Variants in OPTN observed in about 807,000 individuals in gnomAD.
OPTN encodes E3-14.7K-interacting protein.
Under a neutral mutation model 70.4 loss-of-function variants are expected in OPTN, and 54 were observed. The ratio of observed to expected loss-of-function variants is 0.77; its 90% CI spans 0.62 to 0.96. OPTN has a LOEUF of 0.96. OPTN is among the 40% of genes least tolerant of loss of function. The pLI, the probability that OPTN is intolerant of heterozygous loss-of-function variation, is 0.00. For synonymous variants in OPTN, 256 were observed against 248.5 expected, an observed-to-expected ratio of 1.03 and a Z score of -0.28; for missense variants, 624 against 673.2, an observed-to-expected ratio of 0.93 and a Z score of 0.81.
intron 1 of OPTN, among the ~76,000 whole-genome samples, chr10:13,103,650 A>G (rs1456904947): frequency 6.6e-6 from 1 of 152,208 alleles, no homozygotes; most frequent in Non-Finnish European, 1.5e-5. Context: ...TCTAAGGCCA[A>G]CTCAGCAATC....
At chr10:13,112,309 A>G (rs903534328) in intron 4 of OPTN, 144 bp from the exon 5 acceptor site, 18 of 743,734 alleles carry the variant, frequency 2.4e-5, no homozygotes, top group Non-Finnish European at 3.3e-5. Flanking sequence ...GGGTCTTGCT[A>G]TGTTGCCCAG....
Position 13,117,141 on chromosome 10 carries a change from C to T in OPTN, c.626+801C>T, listed in dbSNP as rs370150545. On this transcript the variant is annotated intron_variant, in intron 6 of 14. Coordinates refer to ENST00000378747, the MANE Select transcript of OPTN (RefSeq NM_001008212.2). Reference sequence around the variant, plus strand: ...TGTTGCCCAGGCTGGAGTGCAGTGGCGTGATCTCGGCTCACTGCAAGCTCC... The same window carrying T: ...TGTTGCCCAGGCTGGAGTGCAGTGGTGTGATCTCGGCTCACTGCAAGCTCC... Among the ~76,000 whole-genome samples the T allele has an allele frequency of 5.4e-4, 71 of 131,924 alleles. No homozygotes were observed. In the East Asian group the frequency reaches 6.9e-3, roughly 13 times the overall value. 86.5% of individuals were successfully genotyped at this position (131,924 alleles called of 152,430 possible).
intron 5 of OPTN, among the ~76,000 whole-genome samples, chr10:13,113,064 C>G (rs1833044011): frequency 6.6e-6 from 1 of 152,122 alleles, no homozygotes; most frequent in Admixed American, 6.6e-5. Context: ...CTCTGTCTTC[C>G]CGGCTGGAAT....
At chr10:13,127,695 C>A (rs763519212) in intron 11 of OPTN, 50 bp from the exon 12 acceptor site, 2 of 1,583,538 alleles carry the variant, frequency 1.3e-6, no homozygotes, top group South Asian at 2.2e-5. Context: ...TTTACTAAAA[C>A]AGGCAGAATT....
At chr10:13,116,670 C>T (rs1833216176) in intron 6 of OPTN, 1 of 386,004 alleles carries the variant, frequency 2.6e-6, no homozygotes, top group Non-Finnish European at 4.9e-6. Flanking sequence ...TCATTGGTTC[C>T]CCGGTGCCAT....
intron 1 of OPTN, among the ~76,000 whole-genome samples, chr10:13,106,624 T>C (rs1832870607): frequency 6.6e-6 from 1 of 152,250 alleles, no homozygotes; most frequent in Admixed American, 6.5e-5. Flanking sequence ...TAGGTAGCTC[T>C]GTCTCTGATT....
intron 4 of OPTN, among the ~76,000 whole-genome samples, chr10:13,111,509 C>T (rs1242867033): frequency 1.3e-5 from 2 of 149,666 alleles, no homozygotes; most frequent in South Asian, 2.1e-4. Context: ...ACCAGCCTGG[C>T]CAACATGGCG....
chr10:13,128,230 G>C (rs1588449851), intron 12 of OPTN, among the ~76,000 whole-genome samples: 1 of 152,166 alleles, frequency 6.6e-6, no homozygotes, highest in East Asian at 1.9e-4. Flanking sequence ...CTGGATCATA[G>C]GCTCTGCATG....
chr10:13,122,589 A>G (rs1353827951), intron 8 of OPTN, 102 bp downstream of exon 8: 2 of 803,194 alleles, frequency 2.5e-6, no homozygotes, highest in Middle Eastern at 2.2e-4. Flanking sequence ...TTAGAAATAT[A>G]GAAATCATGT....
intron 12 of OPTN, 76 bp from the exon 13 acceptor site, chr10:13,131,991 C>T: frequency 6.9e-7 from 1 of 1,454,664 alleles, no homozygotes; most frequent in Admixed American, 1.7e-5. Context: ...ACAGCACTAC[C>T]TCCTCATCGC....
At chr10:13,117,044 C>G (rs1833224989) in intron 6 of OPTN, among the ~76,000 whole-genome samples, 1 of 150,848 alleles carries the variant, frequency 6.6e-6, no homozygotes, top group South Asian at 2.1e-4. Context: ...ATCATCTATT[C>G]AAGAGACGAT....
At position 13,127,907 on chromosome 10, in the gene OPTN, A is replaced by C. The variant is rs371470839; in HGVS notation, c.1401+4A>C. On this transcript the variant is annotated splice_donor_region_variant and intron_variant, in intron 12 of 14. Coordinates refer to ENST00000378747, the MANE Select transcript of OPTN (RefSeq NM_001008212.2). ...CATGACCATCCTCAGGGCTCAGGTG[A>C]GGCACCTTCCAAAACCCCAGCTGAG... 5 of 1,614,150 alleles carry C rather than the reference A, an allele frequency of 3.1e-6. No homozygotes were observed. The highest frequency in any genetic ancestry group is 4.2e-6 in the Non-Finnish European group (5 of 1,180,022).
In OPTN at chr10:13,125,982, G is replaced by A. The variant is rs1833450367; in HGVS notation, c.1185G>A (p.Lys395=). ...KLTVLQMTHN[K]LLQEHNNALK... is the part of the protein sequence containing the mutation. ...CTGTGCTACAGATGACACACAACAA[G>A]CTTCTTCAAGAACATAATAATGCAT... The change falls in exon 11 of 15, where the codon AAG becomes AAA. Residue 395 remains lysine (K), a synonymous_variant. Coordinates refer to ENST00000378747, the MANE Select transcript of OPTN (RefSeq NM_001008212.2). 1 of 1,612,754 alleles carries A rather than the reference G, an allele frequency of 6.2e-7. No homozygotes were observed. Among genetic ancestry groups the A allele is most frequent in the Non-Finnish European group, 8.5e-7 (1 of 1,178,914 alleles).
At chr10:13,105,331 G>A (rs1013111425) in intron 1 of OPTN, among the ~76,000 whole-genome samples, 1 of 152,108 alleles carries the variant, frequency 6.6e-6, no homozygotes, top group South Asian at 2.1e-4. Context: ...TTTAGATTGT[G>A]GTCTTTCTAG....
At chr10:13,112,003 A>G (rs1833015650) in intron 4 of OPTN, among the ~76,000 whole-genome samples, 1 of 151,254 alleles carries the variant, frequency 6.6e-6, no homozygotes, top group Non-Finnish European at 1.5e-5. Context: ...GCCCGCCACC[A>G]CGCCCAGCTA....
In OPTN at chr10:13,137,016, A is replaced by G. The variant is rs1250718260; in HGVS notation, c.*150A>G. 1.1e-5 allele frequency: 11 copies of G among 984,968 alleles called. No homozygotes were observed. Among genetic ancestry groups the G allele is most frequent in the African/African-American group, 6.4e-5 (4 of 62,580 alleles). The allele number at this position is 984,968 out of a possible 1,614,324, so 61.0% of individuals were successfully genotyped here. A position where few individuals can be genotyped will look rare whatever the true frequency, so the allele number is the denominator to read the frequency against. ...GAAAACAGGCCGGGCACAGTGGCTCATGCCTGTAATCCCAGCACTTTGGGA... is the reference window on the plus strand; with the variant it reads ...GAAAACAGGCCGGGCACAGTGGCTCGTGCCTGTAATCCCAGCACTTTGGGA... On this transcript the variant is annotated 3_prime_UTR_variant, in exon 15 of 15. Coordinates refer to ENST00000378747, the MANE Select transcript of OPTN (RefSeq NM_001008212.2).
At chr10:13,103,742 G>A (rs367884332) in intron 1 of OPTN, among the ~76,000 whole-genome samples, 3 of 64,796 alleles carry the variant, frequency 4.6e-5, no homozygotes, top group African/African-American at 9.6e-5. Flanking sequence ...ACACACACAT[G>A]CACACACACA....
chr10:13,112,467 C>A lies in OPTN; in HGVS notation c.384C>A (p.Asp128Glu), dbSNP rs769705539. The stretch of plus-strand genomic sequence containing the variant: ...GTCATCTCCAGGACCCCACTGATGA[C>A]TCCAGGCTTCCCAGGGCCGAAGCGG... ...SERSSEDPTD[D>E]SRLPRAEAEQ... The change falls in exon 5 of 15, where the codon GAC becomes GAA. Residue 128 changes from aspartate to glutamate, a missense_variant. Coordinates refer to ENST00000378747, the MANE Select transcript of OPTN (RefSeq NM_001008212.2). The A allele has an allele frequency of 6.2e-7, 1 of 1,614,048 alleles. No individual in the cohort carries two copies. The highest frequency in any genetic ancestry group is 1.1e-5 in the South Asian group (1 of 91,076).
chr10:13,107,412 T>C (rs61851423), intron 1 of OPTN, among the ~76,000 whole-genome samples: 97,595 of 136,204 alleles, frequency 0.72, 38,188 homozygotes, highest in Non-Finnish European at 0.88. Context: ...TTTTTGAGAC[T>C]CTGTCGCCCA....
Sources: gnomAD v4.1 joint callset for allele counts (sites outside exome capture counted in the v4.1 genomes callset) on GRCh38, gnomAD v4.1.1 for gene constraint, MANE v1.5 for transcripts, NCBI Gene and HGNC (gene_info 2026-07-23, HGNC 2026-07-21) for gene names.